The following PCDHGA3 variants were observed in gnomAD, a reference collection of about 807,000 sequenced individuals.
PCDHGA3 encodes the protein protocadherin gamma-A3.
A neutral mutation model predicts 58.5 loss-of-function variants in PCDHGA3; 40 were observed. The observed-to-expected ratio is 0.68, with a 90% CI of 0.53 to 0.89. PCDHGA3 has a LOEUF of 0.89. Ranked by LOEUF, PCDHGA3 falls within the 40% of genes least tolerant of loss-of-function variation. The probability of loss-of-function intolerance (pLI) is 0.00; values close to 1 mark genes in which losing one functional copy is unlikely to be tolerated. For synonymous variants in PCDHGA3, 530 were observed against 525.7 expected, an observed-to-expected ratio of 1.01 and a Z score of -0.11; for missense variants, 1,223 against 1,195.9, an observed-to-expected ratio of 1.02 and a Z score of -0.33.
intron 1 of PCDHGA3, among the ~76,000 whole-genome samples, chr5:141,459,111 A>G (rs2098961190): frequency 1.3e-5 from 2 of 152,218 alleles, no homozygotes; most frequent in Non-Finnish European, 2.9e-5. Flanking sequence ...CATTTTGACA[A>G]TTGTTTACAT....
intron 1 of PCDHGA3, chr5:141,370,948 A>G (rs1401435063): frequency 6.2e-7 from 1 of 1,613,966 alleles, no homozygotes. Flanking sequence ...CAGAAGGAGA[A>G]CCTGGATGGC....
intron 1 of PCDHGA3, chr5:141,423,750 T>TG (rs144521096): frequency 0.16 from 45,934 of 282,282 alleles, 1,791 homozygotes; most frequent in African/African-American, 0.37. Context: ...GAAAACTGTT[T>TG]GGGGGGGGGG....
At position 141,489,099 on chromosome 5, in the gene PCDHGA3, G is replaced by C; in HGVS notation, c.2425-5708G>C. 5.5e-6 allele frequency: 2 copies of C among 361,982 alleles called. No homozygotes were observed. The highest frequency in any genetic ancestry group is 5.0e-5 in the South Asian group (1 of 19,862). 22.4% of individuals were successfully genotyped at this position (361,982 alleles called of 1,614,324 possible). On this transcript the variant is annotated intron_variant, in intron 1 of 3. Coordinates refer to ENST00000253812, the MANE Select transcript of PCDHGA3 (RefSeq NM_018916.4). The surrounding 1 kb of genome is among the most constrained non-coding windows in gnomAD (Gnocchi z 4.5). Reference sequence around the variant, plus strand: ...CCCCGCCACTCGGTGACTAAGAACTGCTGCAAGCAGGCAAACCTCCGAGCA... The same window carrying C: ...CCCCGCCACTCGGTGACTAAGAACTCCTGCAAGCAGGCAAACCTCCGAGCA...
Position 141,505,432 on chromosome 5 carries a change from C to T in PCDHGA3, c.2523C>T (p.Asn841=), listed in dbSNP as rs776731214. Residue 841 remains asparagine, a synonymous_variant, in exon 3 of 4, where the codon AAC becomes AAT. Transcript: ENST00000253812. ...ATGACACCGGCACCTGGCCCAACAA[C>T]CAGTTTGACACAGAGATGCTGCAAG... ...NGDDTGTWPN[N]QFDTEMLQAM... 6.2e-7 allele frequency: 1 copy of T among 1,614,252 alleles called. No homozygotes were observed. Among genetic ancestry groups the T allele is most frequent in the Non-Finnish European group, 8.5e-7 (1 of 1,180,048 alleles).
intron 1 of PCDHGA3, chr5:141,423,330 C>G (rs932335651): frequency 9.9e-6 from 16 of 1,614,056 alleles, no homozygotes; most frequent in Middle Eastern, 1.6e-4. Flanking sequence ...TGGCCGCAGT[C>G]TCCTGCATCT....
At chr5:141,361,363 C>G in intron 1 of PCDHGA3, 1 of 1,614,002 alleles carries the variant, frequency 6.2e-7, no homozygotes, top group South Asian at 1.1e-5. Context: ...AGACGGCGCT[C>G]TGGACCGGGA....
chr5:141,388,032 C>T (rs747852798), intron 1 of PCDHGA3: 3 of 1,431,396 alleles, frequency 2.1e-6, no homozygotes, highest in Non-Finnish European at 1.9e-6. Flanking sequence ...AGTGGGGAAC[C>T]TCGCCACGGA....
At chr5:141,411,097 A>C (rs2095464397) in intron 1 of PCDHGA3, 1 of 153,002 alleles carries the variant, frequency 6.5e-6, no homozygotes, top group Non-Finnish European at 1.4e-5. Flanking sequence ...TGATCCTCCC[A>C]CCTTGGCCTC....
At chr5:141,427,386 A>G (rs2097020887) in intron 1 of PCDHGA3, 1 of 459,098 alleles carries the variant, frequency 2.2e-6, no homozygotes, top group Non-Finnish European at 4.4e-6. Context: ...CACTCTGTTC[A>G]AAACACATGA....
intron 1 of PCDHGA3, chr5:141,424,599 GATTT>G (rs1016470290): frequency 3.9e-5 from 6 of 152,170 alleles, no homozygotes; most frequent in Non-Finnish European, 8.8e-5. Flanking sequence ...GATGTCTACA[GATTT>G]ATTCAAATAG....
At chr5:141,446,020 T>C (rs1226676321) in intron 1 of PCDHGA3, among the ~76,000 whole-genome samples, 1 of 152,180 alleles carries the variant, frequency 6.6e-6, no homozygotes, top group African/African-American at 2.4e-5. Context: ...ACTATGGCAA[T>C]ATTCCTGGTA....
At chr5:141,395,889 G>A (rs1375818306) in intron 1 of PCDHGA3, 3 of 151,948 alleles carry the variant, frequency 2.0e-5, no homozygotes, top group African/African-American at 4.8e-5. Flanking sequence ...GTGGTCACCT[G>A]GGCTCCATGC....
chr5:141,345,010 G>A lies in PCDHGA3; in HGVS notation c.977G>A (p.Gly326Asp), dbSNP rs901226383. ...AAAATTGAAGCACAGGATGGACCAG[G>A]TCTTCTTTCAAGAGCCAAGATTCTA... The part of the protein sequence containing the change: ...EIKIEAQDGP[G>D]LLSRAKILVT... Residue 326 changes from glycine (G) to aspartate (D), a missense_variant, in exon 1 of 4, where the codon GGT becomes GAT. Physicochemically the swap from Gly to Asp is moderately conservative, Grantham distance 94. Transcript: ENST00000253812. 4 of 1,613,972 alleles carry A rather than the reference G, an allele frequency of 2.5e-6. No homozygotes were observed. Among genetic ancestry groups the A allele is most frequent in the Non-Finnish European group, 3.4e-6 (4 of 1,179,880 alleles).
Position 141,487,302 on chromosome 5 carries a change from C to T in PCDHGA3, c.2425-7505C>T, listed in dbSNP as rs763268817. 3.7e-6 allele frequency: 6 copies of T among 1,614,154 alleles called. No homozygotes were observed. The highest frequency in any genetic ancestry group is 3.4e-6 in the Non-Finnish European group (4 of 1,180,002). On this transcript the variant is annotated intron_variant, in intron 1 of 3. Transcript: ENST00000253812. This position sits in a 1 kb window ranked among gnomAD's most constrained non-coding sequence, Gnocchi z 5.0. ...TTTGTCTCCTTTGGCTCATTCGTGGCACTACTCTCTAAGTGTCTTCGTGGG... is the reference window on the plus strand; with the variant it reads ...TTTGTCTCCTTTGGCTCATTCGTGGTACTACTCTCTAAGTGTCTTCGTGGG...
intron 1 of PCDHGA3, chr5:141,475,916 G>C (rs1396506642): frequency 1.7e-6 from 1 of 595,408 alleles, no homozygotes; most frequent in Non-Finnish European, 2.9e-6. Flanking sequence ...CAATGAAGAC[G>C]CTGGAGATCG....
intron 1 of PCDHGA3, among the ~76,000 whole-genome samples, chr5:141,456,052 C>T (rs2098841739): frequency 1.3e-5 from 2 of 151,970 alleles, no homozygotes; most frequent in South Asian, 4.1e-4. Flanking sequence ...CGCCCACCAC[C>T]ACGTCCGGCT....
At chr5:141,415,450 C>A (rs774745130) in intron 1 of PCDHGA3, 44 of 1,614,086 alleles carry the variant, frequency 2.7e-5, no homozygotes, top group Non-Finnish European at 3.4e-5. Context: ...GACCTATTCC[C>A]ACGAGGTCTC....
At chr5:141,414,310 G>A in intron 1 of PCDHGA3, 1 of 1,613,722 alleles carries the variant, frequency 6.2e-7, no homozygotes, top group South Asian at 1.1e-5. Context: ...GCATGATTTA[G>A]ACTCTGAGCA....
chr5:141,360,653 A>T, intron 1 of PCDHGA3: 1 of 1,614,020 alleles, frequency 6.2e-7, no homozygotes, highest in Non-Finnish European at 8.5e-7. Flanking sequence ...TACCACCTTA[A>T]TGACAACGAG....
Sources: allele counts gnomAD v4.1 joint callset (sites outside exome capture counted in the v4.1 genomes callset), GRCh38; gene constraint gnomAD v4.1.1; non-coding constraint Gnocchi (gnomAD v3.1); transcripts MANE v1.5; gene names NCBI Gene and HGNC (gene_info 2026-07-23, HGNC 2026-07-21).